CCDC7: variants seen among roughly 807,000 people sequenced by gnomAD.
CCDC7 encodes the protein coiled-coil domain containing 7.
In CCDC7, 183 loss-of-function variants were observed where a neutral mutation model predicts 196.9. The ratio of observed to expected loss-of-function variants is 0.93; its 90% confidence interval spans 0.82 to 1.05. The LOEUF is 1.05. Ranked by LOEUF, CCDC7 falls within the 50% of genes least tolerant of loss-of-function variation. The pLI, the probability that CCDC7 is intolerant of heterozygous loss-of-function variation, is 0.00. For synonymous variants in CCDC7, 525 were observed against 484.6 expected (o/e 1.08, Z -1.10); for missense variants, 1,540 against 1,482.2 (o/e 1.04, Z -0.64).
chr10:32,831,090 T>C (rs926324147), intron 32 of CCDC7, among the ~76,000 whole-genome samples: 7 of 152,198 alleles, frequency 4.6e-5, no homozygotes, highest in Admixed American at 4.6e-4. Context: ...TCTACATATC[T>C]AGGCTATATT....
chr10:32,674,086 T>C (rs1318368507), intron 21 of CCDC7, among the ~76,000 whole-genome samples: 1 of 151,666 alleles, frequency 6.6e-6, no homozygotes, highest in Admixed American at 6.6e-5. Flanking sequence ...TTTTTCTATA[T>C]TTTTTTCCTA....
chr10:32,576,189 G>C lies in CCDC7; in HGVS notation c.1454+4296G>C, dbSNP rs536246099. 3.3e-5 allele frequency among the ~76,000 whole-genome samples: 5 copies of C among 151,924 alleles called. No homozygotes were observed. In the South Asian group the frequency reaches 1.0e-3, roughly 32 times the overall value. On this transcript the variant is annotated intron_variant, in intron 16 of 41. Transcript: ENST00000639629. Reference sequence around the variant, plus strand: ...GTGGGGACCCCAAAGTTACCATTTTGCCATCATAGGTCACCTGCAGGTTTC... The same window carrying C: ...GTGGGGACCCCAAAGTTACCATTTTCCCATCATAGGTCACCTGCAGGTTTC...
chr10:32,531,835 CTA>C (rs1256157324), intron 11 of CCDC7, among the ~76,000 whole-genome samples: 1 of 152,072 alleles, frequency 6.6e-6, no homozygotes, highest in Non-Finnish European at 1.5e-5. Flanking sequence ...AATTTGTTGA[CTA>C]TTGTTGTTCA....
intron 20 of CCDC7, among the ~76,000 whole-genome samples, chr10:32,636,381 C>A (rs1199817777): frequency 1.3e-5 from 2 of 152,052 alleles, no homozygotes; most frequent in African/African-American, 4.8e-5. Context: ...CCTCCCCCTA[C>A]CCCCACACCA....
intron 20 of CCDC7, among the ~76,000 whole-genome samples, chr10:32,640,657 T>A (rs903057819): frequency 1.2e-4 from 19 of 152,204 alleles, no homozygotes; most frequent in Non-Finnish European, 2.8e-4. Context: ...TGGTTGTTCC[T>A]TTCCATGTTT....
intron 29 of CCDC7, among the ~76,000 whole-genome samples, chr10:32,799,277 G>T (rs1287098698): frequency 1.3e-5 from 2 of 152,110 alleles, no homozygotes; most frequent in Admixed American, 1.3e-4. Flanking sequence ...AATCCGAGAG[G>T]GCTCCACTGT....
At chr10:32,560,351 A>G (rs1188971875) in intron 13 of CCDC7, among the ~76,000 whole-genome samples, 1 of 152,100 alleles carries the variant, frequency 6.6e-6, no homozygotes, top group Non-Finnish European at 1.5e-5. Flanking sequence ...GAGAAGAGCA[A>G]CTCCAAGACA....
exon 32 of CCDC7, chr10:32,824,601 C>T (rs867083695): frequency 3.7e-6 from 6 of 1,602,582 alleles, no homozygotes; most frequent in Middle Eastern, 1.7e-4. Context: ...AAAGAGTTAC[C>T]CTGGTAAGAA....
intron 28 of CCDC7, among the ~76,000 whole-genome samples, chr10:32,767,797 A>C (rs1360853725): frequency 6.6e-6 from 1 of 152,146 alleles, no homozygotes; most frequent in Non-Finnish European, 1.5e-5. Flanking sequence ...GTTCTGGCAA[A>C]ATGGAGATAT....
At chr10:32,449,814 T>C (rs1021815708), upstream of CCDC7, among the ~76,000 whole-genome samples, 6 of 152,192 alleles carry the variant, frequency 3.9e-5, no homozygotes, top group African/African-American at 1.4e-4. Flanking sequence ...CCCTCATAAA[T>C]GGGACTACTG....
chr10:32,593,899 C>T (rs944372487), intron 18 of CCDC7, among the ~76,000 whole-genome samples: 20 of 152,018 alleles, frequency 1.3e-4, no homozygotes, highest in Non-Finnish European at 2.5e-4. Context: ...TTCTGTCCAA[C>T]TGGTGTATCT....
chr10:32,612,623 A>C (rs1337614376), intron 18 of CCDC7, among the ~76,000 whole-genome samples: 1 of 152,124 alleles, frequency 6.6e-6, no homozygotes, highest in East Asian at 1.9e-4. Flanking sequence ...TGTTTTTAGC[A>C]TGAAGTGGTG....
At chr10:32,870,639 T>C (rs992170964) in intron 41 of CCDC7, among the ~76,000 whole-genome samples, 9 of 152,136 alleles carry the variant, frequency 5.9e-5, no homozygotes, top group African/African-American at 2.2e-4. Flanking sequence ...CTATGTTGAA[T>C]AGGAGTGATG....
chr10:32,701,592 G>C (rs1591764071), intron 24 of CCDC7, among the ~76,000 whole-genome samples: 1 of 152,204 alleles, frequency 6.6e-6, no homozygotes, highest in Non-Finnish European at 1.5e-5. Flanking sequence ...AGAAGGAATG[G>C]TACCAGCTCC....
At chr10:32,498,975 G>A (rs1269962811) in intron 9 of CCDC7, 1 of 151,904 alleles carries the variant, frequency 6.6e-6, no homozygotes, top group Non-Finnish European at 1.5e-5. Flanking sequence ...ATATCCTGAA[G>A]AGTGTTTTCC....
Position 32,824,617 on chromosome 10 carries a change from AT to A in CCDC7, c.3268+18del. ...AAGAGTTACCCTGGTAAGAATAAGA[AT>A]TTTTAAAATCTACTTATGGTTTCCT... On this transcript the variant is annotated intron_variant, in intron 32 of 41. Transcript: ENST00000639629. The A allele has an allele frequency of 6.4e-7, 1 of 1,571,366 alleles. No homozygotes were observed. The highest frequency in any genetic ancestry group is 2.2e-5 in the East Asian group (1 of 44,502).
intron 8 of CCDC7, among the ~76,000 whole-genome samples, chr10:32,488,187 G>A (rs1452690754): frequency 6.6e-6 from 1 of 152,192 alleles, no homozygotes; most frequent in Non-Finnish European, 1.5e-5. Context: ...GGCAATGGCG[G>A]GCGCCCCTCC....
At chr10:32,575,465 A>C (rs1055572527) in intron 16 of CCDC7, among the ~76,000 whole-genome samples, 3 of 152,160 alleles carry the variant, frequency 2.0e-5, no homozygotes, top group African/African-American at 7.2e-5. Context: ...AGAGAAATAG[A>C]CTTAGATTAA....
chr10:32,655,759 C>G (rs976365435), intron 20 of CCDC7, among the ~76,000 whole-genome samples: 2 of 152,110 alleles, frequency 1.3e-5, no homozygotes, highest in African/African-American at 4.8e-5. Context: ...GTTGGCCAGG[C>G]TGGTCTCAAA....
Sources: allele counts gnomAD v4.1 joint callset (sites outside exome capture counted in the v4.1 genomes callset), GRCh38; gene constraint gnomAD v4.1.1; transcripts MANE v1.5; gene names NCBI Gene and HGNC (gene_info 2026-07-23, HGNC 2026-07-21).